The following MED25 variants were observed in gnomAD, a reference collection of about 807,000 sequenced individuals.
MED25 encodes the protein mediator complex subunit 25.
Under a neutral mutation model 89.4 loss-of-function variants are expected in MED25, and 62 were observed. That is an observed-to-expected ratio of 0.69 (90% CI 0.57 to 0.86). The LOEUF is 0.86. Ranked by LOEUF, MED25 falls within the 40% of genes least tolerant of loss-of-function variation. MED25 has a pLI of 0.00. For missense variants in MED25, 905 were observed against 1,005.2 expected (o/e 0.90, Z 1.35); for synonymous variants, 449 against 427.9 (o/e 1.05, Z -0.61).
rs1032554286 is a variant in MED25, at chr19:49,831,357, G to C, written c.1126G>C (p.Val376Leu). 1 of 1,611,312 alleles carries C rather than the reference G, an allele frequency of 6.2e-7. No individual in the cohort carries two copies. Among genetic ancestry groups the C allele is most frequent in the Non-Finnish European group, 8.5e-7 (1 of 1,179,012 alleles). The change falls in exon 10 of 18, where the codon GTG (valine) becomes CTG (leucine). Residue 376 changes from valine (V) to leucine (L), a missense_variant. By Grantham distance (32) the Val-to-Leu change is conservative (BLOSUM62 1). Coordinates refer to ENST00000312865, the MANE Select transcript of MED25 (RefSeq NM_030973.4). This position sits in a 1 kb window ranked among gnomAD's most constrained non-coding sequence, Gnocchi z 5.0. ...GGCAGGCACTGTGGCCCCAGGAGGG[G>C]TGAGCGGCCCTTCCCCAGCCCAGCT... ...SMAGTVAPGG[V>L]SGPSPAQLGA... is the part of the protein sequence containing the mutation.
chr19:49,827,460 G>T (rs1258133479), intron 3 of MED25, among the ~76,000 whole-genome samples: 1 of 152,114 alleles, frequency 6.6e-6, no homozygotes, highest in Non-Finnish European at 1.5e-5. Context: ...CAGGGGAAGG[G>T]CCCTTCTGCC....
chr19:49,831,245 C>G lies in MED25; in HGVS notation c.1102-88C>G. On this transcript the variant is annotated intron_variant, in intron 9 of 17. Transcript: ENST00000312865. The surrounding 1 kb of genome is among the most constrained non-coding windows in gnomAD (Gnocchi z 5.0). ...TGGAGGGGCAGAAGAAGGGATCTTT[C>G]CTCCTTCCTGGTTTGCCCTCACAGG... 1 of 1,412,110 alleles carries G rather than the reference C, an allele frequency of 7.1e-7. No homozygotes were observed. Among genetic ancestry groups the G allele is most frequent in the African/African-American group, 1.4e-5 (1 of 70,744 alleles). The allele number at this position is 1,412,110 out of a possible 1,614,324, so 87.5% of individuals were successfully genotyped here.
chr19:49,833,989 G>A (rs1439637753), intron 13 of MED25: 2 of 152,334 alleles, frequency 1.3e-5, no homozygotes, highest in Admixed American at 1.3e-4. Flanking sequence ...ACAGGGCCCT[G>A]TGGTTCTCTT....
chr19:49,823,450 G>A (rs551725791), intron 3 of MED25, among the ~76,000 whole-genome samples: 1 of 152,282 alleles, frequency 6.6e-6, no homozygotes, highest in South Asian at 2.1e-4. Context: ...TGCCTGGCAT[G>A]TATTAAGTGC....
rs2074081524 is a variant in MED25 at position 49,834,515 on chromosome 19, G to A, written c.1483-471G>A. ...CGCATAGTCACAGCGACCCTGTGAT[G>A]TGGGAGCACTCCCCGTGGTGTACAC... On this transcript the variant is annotated intron_variant, in intron 13 of 17. Coordinates refer to ENST00000312865, the MANE Select transcript of MED25 (RefSeq NM_030973.4). This position sits in a 1 kb window ranked among gnomAD's most constrained non-coding sequence, Gnocchi z 4.1. The A allele has an allele frequency of 4.5e-6, 1 of 220,572 alleles. No individual in the cohort carries two copies. The highest frequency in any genetic ancestry group is 9.3e-6 in the Non-Finnish European group (1 of 107,932). The allele number at this position is 220,572 out of a possible 1,614,324, so 13.7% of individuals were successfully genotyped here.
downstream of MED25, chr19:49,838,940 AG>A (rs2074117269): frequency 2.7e-6 from 1 of 368,832 alleles, no homozygotes; most frequent in Admixed American, 3.5e-5. Context: ...AAGTTTATAA[AG>A]GAGCAGAGTG....
Position 49,836,572 on chromosome 19 carries a change from C to T in MED25, c.2146+166C>T. 3.4e-6 allele frequency: 3 copies of T among 877,688 alleles called. No homozygotes were observed. Among genetic ancestry groups the T allele is most frequent in the East Asian group, 2.6e-5 (1 of 37,978 alleles). The allele number at this position is 877,688 out of a possible 1,614,324, so 54.4% of individuals were successfully genotyped here. A position where few individuals can be genotyped will look rare whatever the true frequency, so the allele number is the denominator to read the frequency against. On this transcript the variant is annotated intron_variant, in intron 17 of 17. Coordinates refer to ENST00000312865, the MANE Select transcript of MED25 (RefSeq NM_030973.4). The surrounding 1 kb of genome is among the most constrained non-coding windows in gnomAD (Gnocchi z 5.1). ...CTGAGGGCTCCGGGAAAGTACAGCCCATGGGTCCAAGGACCTAGTGGGTTA... is the reference window on the plus strand; with the variant it reads ...CTGAGGGCTCCGGGAAAGTACAGCCTATGGGTCCAAGGACCTAGTGGGTTA...
At chr19:49,819,061 C>T (rs923017835) in intron 2 of MED25, 111 bp from the exon 3 acceptor site, 16 of 1,328,630 alleles carry the variant, frequency 1.2e-5, no homozygotes, top group Non-Finnish European at 1.6e-5. Context: ...AAGGAGGAAG[C>T]TGAGGAGTTC....
At position 49,830,001 on chromosome 19, in the gene MED25, TC is replaced by T; in HGVS notation, c.688+56del. 6.3e-7 allele frequency: 1 copy of T among 1,598,572 alleles called. No homozygotes were observed. On this transcript the variant is annotated intron_variant, in intron 6 of 17. Coordinates refer to ENST00000312865, the MANE Select transcript of MED25 (RefSeq NM_030973.4). This position sits in a 1 kb window ranked among gnomAD's most constrained non-coding sequence, Gnocchi z 4.6. ...TGGGGGCTCGACGTGTTTCCCCAGC[TC>T]CCTCTGACTTGGATTTTGGATTTCT...
rs1239232504 is a variant in MED25, at chr19:49,836,526, C to T, written c.2146+120C>T. 1.6e-6 allele frequency: 2 copies of T among 1,275,978 alleles called. No homozygotes were observed. The highest frequency in any genetic ancestry group is 2.9e-5 in the African/African-American group (2 of 67,804). 79.0% of individuals were successfully genotyped at this position (1,275,978 alleles called of 1,614,324 possible). A position where few individuals can be genotyped will look rare whatever the true frequency, so the allele number is the denominator to read the frequency against. On this transcript the variant is annotated intron_variant, in intron 17 of 17. Transcript: ENST00000312865. This position sits in a 1 kb window ranked among gnomAD's most constrained non-coding sequence, Gnocchi z 5.1. ...ACATAGGATCCAAGAATGAGGGTTC[C>T]CCCATGGCCTTTGCGGAGCTCTGAG... is the stretch of plus-strand genomic sequence containing the variant.
chr19:49,837,061 C>G (rs749938634), downstream of MED25: 4 of 860,408 alleles, frequency 4.6e-6, no homozygotes, highest in African/African-American at 6.7e-5. Flanking sequence ...GTTCTCACTT[C>G]AGCAGACATC....
In MED25 at chr19:49,830,688, C is replaced by A. The variant is rs1052081280; in HGVS notation, c.908-6C>A. On this transcript the variant is annotated splice_polypyrimidine_tract_variant and splice_region_variant and intron_variant, in intron 8 of 17. Coordinates refer to ENST00000312865, the MANE Select transcript of MED25 (RefSeq NM_030973.4). This position sits in a 1 kb window ranked among gnomAD's most constrained non-coding sequence, Gnocchi z 4.6. ...TCCCCACTTCTTCCCTTGGTCTCTCCCACAGTCTCGCCCATCACCCCTCTC... is the reference window on the plus strand; with the variant it reads ...TCCCCACTTCTTCCCTTGGTCTCTCACACAGTCTCGCCCATCACCCCTCTC... 67 of 1,613,954 alleles carry A rather than the reference C, an allele frequency of 4.2e-5. No individual in the cohort carries two copies. The highest frequency in any genetic ancestry group is 5.6e-5 in the Non-Finnish European group (66 of 1,179,928).
At chr19:49,838,854 G>A (rs10403127), downstream of MED25, 104,770 of 428,068 alleles carry the variant, frequency 0.24, 13,249 homozygotes, top group Middle Eastern at 0.27. Context: ...ATTAACAGAA[G>A]TGGCGCGGCA....
chr19:49,837,725 C>T (rs2074109683), downstream of MED25, among the ~76,000 whole-genome samples: 2 of 152,054 alleles, frequency 1.3e-5, no homozygotes, highest in East Asian at 3.9e-4. Flanking sequence ...TGCAGGTGGT[C>T]CAAGGGACAT....
chr19:49,833,058 A>C (rs536138491), intron 13 of MED25: 1 of 156,250 alleles, frequency 6.4e-6, no homozygotes, highest in East Asian at 1.9e-4. Flanking sequence ...CCCTCTTTCC[A>C]GATAGAGTCA....
chr19:49,819,447 A>T, intron 3 of MED25, 151 bp downstream of exon 3: 1 of 458,126 alleles, frequency 2.2e-6, no homozygotes, highest in African/African-American at 4.3e-5. Context: ...GTGAATAAGT[A>T]ATGGCTTGGG....
chr19:49,838,408 C>T (rs1568627006), downstream of MED25: 1 of 363,356 alleles, frequency 2.8e-6, no homozygotes, highest in African/African-American at 2.1e-5. Flanking sequence ...TGGAGCTGCC[C>T]CTCTCCATGG....
downstream of MED25, chr19:49,837,056 C>T: frequency 1.1e-6 from 1 of 902,776 alleles, no homozygotes; most frequent in South Asian, 1.4e-5. Context: ...TCCTTGTTCT[C>T]ACTTCAGCAG....
At position 49,829,226 on chromosome 19, in the gene MED25, G is replaced by C. The variant is rs1325732412; in HGVS notation, c.525+136G>C. 1 of 745,042 alleles carries C rather than the reference G, an allele frequency of 1.3e-6. No homozygotes were observed. Among genetic ancestry groups the C allele is most frequent in the Non-Finnish European group, 2.3e-6 (1 of 433,036 alleles). The allele number at this position is 745,042 out of a possible 1,614,324, so 46.2% of individuals were successfully genotyped here. A position where few individuals can be genotyped will look rare whatever the true frequency, so the allele number is the denominator to read the frequency against. On this transcript the variant is annotated intron_variant, in intron 5 of 17. Coordinates refer to ENST00000312865, the MANE Select transcript of MED25 (RefSeq NM_030973.4). This position sits in a 1 kb window ranked among gnomAD's most constrained non-coding sequence, Gnocchi z 4.6. ...GGCCTGGACTCTTGGGTCTAAGCGG[G>C]GAGGCACTGGGGGCCTGGACTCAGA...
Sources: gnomAD v4.1 joint callset for allele counts (sites outside exome capture counted in the v4.1 genomes callset) on GRCh38, gnomAD v4.1.1 for gene constraint, Gnocchi (gnomAD v3.1) non-coding constraint, MANE v1.5 for transcripts, NCBI Gene and HGNC (gene_info 2026-07-23, HGNC 2026-07-21) for gene names.